The following CCNB2 variants were observed in gnomAD, a reference collection of about 807,000 sequenced individuals.
The protein encoded by CCNB2 is cyclin B2.
In CCNB2, 39 loss-of-function variants were observed where a neutral mutation model predicts 51.1. That is an observed-to-expected ratio of 0.76 (90% CI 0.59 to 1.00). The LOEUF (loss-of-function observed/expected upper bound fraction) is 1.00, where lower values mean the gene tolerates loss of function less well. Ranked by LOEUF, CCNB2 falls within the 50% of genes least tolerant of loss-of-function variation. The probability of loss-of-function intolerance (pLI) is 0.00; values close to 1 mark genes in which losing one functional copy is unlikely to be tolerated. For synonymous variants in CCNB2, 174 were observed against 165.5 expected (o/e 1.05, Z -0.40); for missense variants, 472 against 470.3 (o/e 1.00, Z -0.03).
chr15:59,123,576 G>T lies in CCNB2; in HGVS notation c.1035G>T (p.Gln345His). The T allele has an allele frequency of 6.2e-7, 1 of 1,613,068 alleles. No individual in the cohort carries two copies. The highest frequency in any genetic ancestry group is 8.5e-7 in the Non-Finnish European group (1 of 1,179,398). Reference protein sequence around the residue: ...YTENEVLEVMQHMAKNVVKVN... With the variant: ...YTENEVLEVMHHMAKNVVKVN... The stretch of plus-strand genomic sequence containing the variant: ...AGAATGAAGTATTGGAAGTCATGCA[G>T]CACATGGCCAAGAATGTGGTGAAAG... Residue 345 changes from glutamine to histidine, a missense_variant, in exon 8 of 9, where the codon CAG (glutamine) becomes CAT (histidine). Transcript: ENST00000288207.
intron 7 of CCNB2, among the ~76,000 whole-genome samples, chr15:59,119,941 C>G (rs556887335): frequency 6.6e-6 from 1 of 152,288 alleles, no homozygotes; most frequent in East Asian, 1.9e-4. Context: ...CTCCTAGGCT[C>G]AAGTGATCTT....
At chr15:59,117,010 T>C in intron 6 of CCNB2, 84 bp downstream of exon 6, 1 of 1,185,170 alleles carries the variant, frequency 8.4e-7, no homozygotes, top group Admixed American at 2.0e-5. Context: ...GAAAGCTTAT[T>C]TATAGGACGC....
At chr15:59,112,991 G>A (rs895660528) in intron 3 of CCNB2, among the ~76,000 whole-genome samples, 4 of 151,482 alleles carry the variant, frequency 2.6e-5, no homozygotes, top group African/African-American at 9.7e-5. Flanking sequence ...CCAAGGTCGT[G>A]CCACTGCACT....
At chr15:59,113,033 CAA>C (rs1224685196) in intron 3 of CCNB2, among the ~76,000 whole-genome samples, 2 of 140,132 alleles carry the variant, frequency 1.4e-5, no homozygotes, top group Admixed American at 7.1e-5. Flanking sequence ...GACTCCATCT[CAA>C]AAAAAAAAAC....
intron 2 of CCNB2, 43 bp from the exon 3 acceptor site, chr15:59,107,514 A>G (rs2079240710): frequency 1.2e-6 from 2 of 1,613,584 alleles, no homozygotes; most frequent in Non-Finnish European, 8.5e-7. Flanking sequence ...GAGTCCCACA[A>G]CGCTGGCTGT....
chr15:59,105,432 G>A lies in CCNB2; in HGVS notation c.24+140G>A, dbSNP rs558376722. 349 of 997,946 alleles carry A rather than the reference G, an allele frequency of 3.5e-4. 1 individual carries two copies. In the African/African-American group the frequency reaches 4.9e-3, roughly 14 times the overall value. The allele number at this position is 997,946 out of a possible 1,614,324, so 61.8% of individuals were successfully genotyped here. A position where few individuals can be genotyped will look rare whatever the true frequency, so the allele number is the denominator to read the frequency against. On this transcript the variant is annotated intron_variant, in intron 1 of 8. Coordinates refer to ENST00000288207, the MANE Select transcript of CCNB2 (RefSeq NM_004701.4). ...CTCCGGAGCTCACTGCTTCGCCCGC[G>A]TCCCTGGCCCTGCGGCCGGTCCTCT... is the stretch of plus-strand genomic sequence containing the variant.
intron 3 of CCNB2, among the ~76,000 whole-genome samples, chr15:59,112,902 A>T (rs181545738): frequency 6.6e-6 from 1 of 151,722 alleles, no homozygotes; most frequent in Non-Finnish European, 1.5e-5. Flanking sequence ...AGTGTGGTGG[A>T]AGGCGCCTGT....
rs1337987761 is a variant in CCNB2, at chr15:59,117,269, G to C, written c.876G>C (p.Glu292Asp). ...EQHTLAKYLM[E>D]LTLIDYDMVH... Reference sequence around the variant, plus strand: ...ACACTTTAGCCAAGTATTTGATGGAGCTGACTCTCATCGACTATGATATGG... The same window carrying C: ...ACACTTTAGCCAAGTATTTGATGGACCTGACTCTCATCGACTATGATATGG... The change falls in exon 7 of 9, where the codon GAG (glutamate) becomes GAC (aspartate). Residue 292 changes from glutamate (E) to aspartate (D), a missense_variant. Physicochemically the swap from Glu to Asp is conservative, Grantham distance 45. Coordinates refer to ENST00000288207, the MANE Select transcript of CCNB2 (RefSeq NM_004701.4). The C allele has an allele frequency of 2.5e-6, 4 of 1,613,276 alleles. No individual in the cohort carries two copies. The East Asian group carries it at 6.7e-5, about 27-fold the overall frequency.
At chr15:59,108,541 G>T (rs1231567065) in intron 3 of CCNB2, among the ~76,000 whole-genome samples, 4 of 121,352 alleles carry the variant, frequency 3.3e-5, no homozygotes, top group African/African-American at 1.6e-4. Context: ...GTCTCAGAAT[G>T]TCTTTCATCT....
chr15:59,121,931 CAAAAAAAA>C (rs3052992), intron 7 of CCNB2, among the ~76,000 whole-genome samples: 17 of 14,100 alleles, frequency 1.2e-3, no homozygotes, highest in South Asian at 2.9e-3. Context: ...GACTCTGTCT[CAAAAAAAA>C]AAAAAAAAAA....
At chr15:59,113,029 A>G (rs1004752661) in intron 3 of CCNB2, among the ~76,000 whole-genome samples, 17 of 150,644 alleles carry the variant, frequency 1.1e-4, no homozygotes, top group Non-Finnish European at 1.3e-4. Flanking sequence ...GCGAGACTCC[A>G]TCTCAAAAAA....
intron 7 of CCNB2, among the ~76,000 whole-genome samples, chr15:59,118,181 T>G (rs2079286868): frequency 1.3e-5 from 2 of 152,196 alleles, no homozygotes; most frequent in Admixed American, 1.3e-4. Context: ...ACTTGTAGAT[T>G]TAGAAGAGTA....
intron 3 of CCNB2, among the ~76,000 whole-genome samples, chr15:59,107,910 G>C (rs565567767): frequency 6.6e-6 from 1 of 152,152 alleles, no homozygotes; most frequent in Non-Finnish European, 1.5e-5. Context: ...GAGGCAGGAG[G>C]ATCGCCTGAG....
intron 3 of CCNB2, among the ~76,000 whole-genome samples, chr15:59,112,950 C>T (rs1179758790): frequency 2.6e-5 from 4 of 151,724 alleles, no homozygotes; most frequent in Non-Finnish European, 4.4e-5. Flanking sequence ...AGGAGAATGG[C>T]GTGAACCCGG....
intron 8 of CCNB2, chr15:59,124,488 A>AT: frequency 4.8e-6 from 2 of 420,038 alleles, no homozygotes; most frequent in South Asian, 5.1e-5. Context: ...TCCCCCTCCC[A>AT]TCCCTCTGGT....
At chr15:59,109,117 C>T (rs1235434819) in intron 3 of CCNB2, among the ~76,000 whole-genome samples, 1 of 152,120 alleles carries the variant, frequency 6.6e-6, no homozygotes, top group Non-Finnish European at 1.5e-5. Flanking sequence ...GTGGCTCGAT[C>T]TCTGCTAACT....
At chr15:59,120,380 A>C (rs9646184) in intron 7 of CCNB2, among the ~76,000 whole-genome samples, 124,542 of 152,012 alleles carry the variant, frequency 0.82, 51,396 homozygotes, top group Middle Eastern at 0.89. Context: ...ATAGTCCCAG[A>C]TACTCAGGAG....
At chr15:59,108,829 C>T (rs1280827164) in intron 3 of CCNB2, among the ~76,000 whole-genome samples, 1 of 152,230 alleles carries the variant, frequency 6.6e-6, no homozygotes, top group Non-Finnish European at 1.5e-5. Flanking sequence ...TGGTTGAAAG[C>T]TCTTTGCTCT....
Position 59,117,250 on chromosome 15 carries a change from T to C in CCNB2, c.857T>C (p.Leu286Ser), listed in dbSNP as rs776783136. The change falls in exon 7 of 9, where the codon TTA (leucine) becomes TCA (serine). Residue 286 changes from leucine to serine, a missense_variant. Physicochemically the swap from Leu to Ser is moderately radical, Grantham distance 145 (BLOSUM62 -2). Transcript: ENST00000288207. ...AGEVDVEQHT[L>S]AKYLMELTLI... Reference sequence around the variant, plus strand: ...TAGGTTGATGTTGAACAGCACACTTTAGCCAAGTATTTGATGGAGCTGACT... The same window carrying C: ...TAGGTTGATGTTGAACAGCACACTTCAGCCAAGTATTTGATGGAGCTGACT... The C allele has an allele frequency of 3.1e-6, 5 of 1,613,136 alleles. No individual in the cohort carries two copies. The highest frequency in any genetic ancestry group is 1.1e-5 in the South Asian group (1 of 91,032).
Sources: allele counts gnomAD v4.1 joint callset (sites outside exome capture counted in the v4.1 genomes callset), GRCh38; gene constraint gnomAD v4.1.1; transcripts MANE v1.5; gene names NCBI Gene and HGNC (gene_info 2026-07-23, HGNC 2026-07-21).